Variants in LCOR observed in about 807,000 individuals in gnomAD.
LCOR encodes the protein ligand dependent nuclear receptor corepressor.
LCOR carries 14 observed loss-of-function variants against 64.4 expected under a neutral mutation model. That is an observed-to-expected ratio of 0.22 (90% CI 0.14 to 0.34). The LOEUF is 0.34. Ranked by LOEUF, LCOR falls within the 10% of genes least tolerant of loss-of-function variation. LCOR has a pLI of 1.00. For synonymous variants in LCOR, 643 were observed against 642.5 expected (o/e 1.00, Z -0.01); for missense variants, 1,686 against 1,765.3 (o/e 0.96, Z 0.80).
At chr10:96,888,603 T>G (rs1313838497) in intron 2 of LCOR, among the ~76,000 whole-genome samples, 3 of 152,096 alleles carry the variant, frequency 2.0e-5, no homozygotes, top group African/African-American at 7.2e-5. Context: ...TGACCAGTAA[T>G]GATGTTACAA....
At chr10:96,928,257 C>T (rs1343428844) in intron 4 of LCOR, among the ~76,000 whole-genome samples, 1 of 152,220 alleles carries the variant, frequency 6.6e-6, no homozygotes, top group Non-Finnish European at 1.5e-5. Flanking sequence ...CCAGTTCTCT[C>T]AAACCCCATT....
intron 7 of LCOR, chr10:96,959,590 A>G (rs939208548): frequency 6.6e-6 from 1 of 152,116 alleles, no homozygotes; most frequent in African/African-American, 2.4e-5. Flanking sequence ...GTAATGTAGT[A>G]TATTACTTTG....
chr10:96,955,262 A>C, intron 7 of LCOR: 1 of 1,614,112 alleles, frequency 6.2e-7, no homozygotes, highest in Non-Finnish European at 8.5e-7. Context: ...GAAATGGTGC[A>C]CTCAGCAACA....
In LCOR at chr10:96,995,136, G is replaced by A. The variant is rs779418624; in HGVS notation, c.*10002G>A. 4 of 152,166 alleles carry A rather than the reference G, an allele frequency of 2.6e-5. No homozygotes were observed. Among genetic ancestry groups the A allele is most frequent in the East Asian group, 1.9e-4 (1 of 5,194 alleles). 9.4% of individuals were successfully genotyped at this position (152,166 alleles called of 1,614,324 possible). On this transcript the variant is annotated 3_prime_UTR_variant, in exon 8 of 8. Transcript: ENST00000421806. The surrounding 1 kb of genome is among the most constrained non-coding windows in gnomAD (Gnocchi z 4.2). ...GGGCAGGGGCTGCTGATCCGGCTGTGGATTCAGGGAGCTCTAAAATGAATC... is the reference window on the plus strand; with the variant it reads ...GGGCAGGGGCTGCTGATCCGGCTGTAGATTCAGGGAGCTCTAAAATGAATC...
At chr10:96,865,891 A>C (rs1406465761) in intron 2 of LCOR, among the ~76,000 whole-genome samples, 1 of 151,728 alleles carries the variant, frequency 6.6e-6, no homozygotes, top group African/African-American at 2.4e-5. Flanking sequence ...AAAAAAAAAA[A>C]AAGGAAAAAG....
chr10:96,847,520 G>T (rs1349005888), intron 2 of LCOR, among the ~76,000 whole-genome samples: 1 of 151,954 alleles, frequency 6.6e-6, no homozygotes, highest in Admixed American at 6.6e-5. Context: ...TCGGCTCACC[G>T]CATCCTCCGC....
intron 4 of LCOR, among the ~76,000 whole-genome samples, chr10:96,916,607 C>CTATATATCTATATATATA (rs1564624766): frequency 1.4e-5 from 2 of 140,766 alleles, no homozygotes; most frequent in African/African-American, 5.5e-5. Flanking sequence ...ATATATATAT[C>CTATATATCTATATATATA]TATATATATG....
rs536489900 is a variant in LCOR at position 96,981,262 on chromosome 10, C to G, written c.802C>G (p.Pro268Ala). ...INSSSVDSFTPGYLTASNCSS... is the reference protein window; with the variant it reads ...INSSSVDSFTAGYLTASNCSS... ...TAGCAGTTCAGTGGATAGTTTCACT[C>G]CGGGATACCTCACTGCATCTAATTG... is the stretch of plus-strand genomic sequence containing the variant. Residue 268 changes from proline to alanine, a missense_variant, in exon 8 of 8, where the codon CCG (proline) becomes GCG (alanine). Transcript: ENST00000421806. The G allele has an allele frequency of 2.4e-4, 266 of 1,113,036 alleles. 2 individuals are homozygous for G. In the South Asian group the frequency reaches 3.4e-3, roughly 14 times the overall value. The allele number at this position is 1,113,036 out of a possible 1,614,324, so 68.9% of individuals were successfully genotyped here. A position where few individuals can be genotyped will look rare whatever the true frequency, so the allele number is the denominator to read the frequency against.
At chr10:96,899,484 AT>A (rs1228924792) in intron 2 of LCOR, among the ~76,000 whole-genome samples, 1 of 152,092 alleles carries the variant, frequency 6.6e-6, no homozygotes, top group Non-Finnish European at 1.5e-5. Context: ...TTGATTTTTA[AT>A]TTTTAAATGT....
chr10:96,855,423 G>GT (rs869041508), intron 2 of LCOR, among the ~76,000 whole-genome samples: 1 of 146,476 alleles, frequency 6.8e-6, no homozygotes, highest in Non-Finnish European at 1.5e-5. Flanking sequence ...GTTTTTTTTT[G>GT]TTTTTTGTTT....
intron 2 of LCOR, among the ~76,000 whole-genome samples, chr10:96,872,520 C>T (rs562755439): frequency 5.3e-5 from 8 of 151,724 alleles, no homozygotes; most frequent in East Asian, 1.9e-4. Context: ...TGGTGGAACC[C>T]TCTCTCTACA....
At position 96,984,703 on chromosome 10, in the gene LCOR, C is replaced by T. The variant is rs760259128; in HGVS notation, c.4243C>T (p.Pro1415Ser). 6.2e-7 allele frequency: 1 copy of T among 1,613,988 alleles called. No homozygotes were observed. Among genetic ancestry groups the T allele is most frequent in the Non-Finnish European group, 8.5e-7 (1 of 1,180,024 alleles). The change falls in exon 8 of 8, where the codon CCT (proline) becomes TCT (serine). Residue 1415 changes from proline to serine, a missense_variant. Transcript: ENST00000421806. ...CCCTCCAGATAGTAAGAACAAGGGG[C>T]CTACGGTGAAAGCCAGCAAAGAAAA... The part of the protein sequence containing the change: ...SSPPDSKNKG[P>S]TVKASKEKHA...
At chr10:96,943,980 A>G in intron 4 of LCOR, 133 bp from the exon 5 acceptor site, 1 of 385,196 alleles carries the variant, frequency 2.6e-6, no homozygotes, top group East Asian at 1.6e-4. Flanking sequence ...TAAAATTTAT[A>G]CTGAAGTTTT....
chr10:96,954,842 C>A, intron 7 of LCOR: 1 of 675,268 alleles, frequency 1.5e-6, no homozygotes, highest in Middle Eastern at 4.5e-4. Context: ...AAATAAATAA[C>A]ACAAAGTGAT....
chr10:96,914,299 C>G (rs544206803), intron 4 of LCOR, among the ~76,000 whole-genome samples: 1 of 152,250 alleles, frequency 6.6e-6, no homozygotes, highest in East Asian at 1.9e-4. Flanking sequence ...CAGATTCAAG[C>G]GATTCTCCTG....
chr10:96,931,796 TTTC>T (rs1589664213), intron 4 of LCOR, among the ~76,000 whole-genome samples: 1 of 152,192 alleles, frequency 6.6e-6, no homozygotes, highest in Non-Finnish European at 1.5e-5. Flanking sequence ...GAAAAATCCT[TTTC>T]ATAATGACAA....
intron 2 of LCOR, among the ~76,000 whole-genome samples, chr10:96,854,078 A>C (rs1383026350): frequency 2.0e-5 from 3 of 152,120 alleles, no homozygotes; most frequent in Non-Finnish European, 4.4e-5. Flanking sequence ...AAGCCATATC[A>C]CCCTGGCATG....
At chr10:96,852,510 T>C (rs1221766027) in intron 2 of LCOR, among the ~76,000 whole-genome samples, 2 of 152,246 alleles carry the variant, frequency 1.3e-5, no homozygotes, top group Admixed American at 6.5e-5. Flanking sequence ...TTTAGACTTG[T>C]GTGCCATCCC....
intron 2 of LCOR, among the ~76,000 whole-genome samples, chr10:96,871,861 A>G (rs1449401224): frequency 6.6e-6 from 1 of 152,192 alleles, no homozygotes; most frequent in African/African-American, 2.4e-5. Flanking sequence ...TGGGAGGTAT[A>G]TCTTACAAAA....
Sources: allele counts gnomAD v4.1 joint callset (sites outside exome capture counted in the v4.1 genomes callset), GRCh38; gene constraint gnomAD v4.1.1; non-coding constraint Gnocchi (gnomAD v3.1); transcripts MANE v1.5; gene names NCBI Gene and HGNC (gene_info 2026-07-23, HGNC 2026-07-21).